POLR1D: variants seen among roughly 807,000 people sequenced by gnomAD.
POLR1D encodes the protein DNA-directed RNA polymerases I and III subunit RPAC2.
A neutral mutation model predicts 10.8 loss-of-function variants in POLR1D; 8 were observed. That is an observed-to-expected ratio of 0.74 (90% CI 0.43 to 1.33). POLR1D has a LOEUF of 1.33. Among genes scored for constraint, POLR1D ranks in the 40% most tolerant of loss-of-function variants. The probability of loss-of-function intolerance (pLI) is 0.01; values close to 1 mark genes in which losing one functional copy is unlikely to be tolerated. For missense variants in POLR1D, 152 were observed against 161.7 expected, an observed-to-expected ratio of 0.94 and a Z score of 0.32; for synonymous variants, 54 against 57.2, an observed-to-expected ratio of 0.94 and a Z score of 0.25.
At chr13:27,666,184 A>G (rs1431504513) in exon 3 of POLR1D, 1 of 520,986 alleles carries the variant, frequency 1.9e-6, no homozygotes, top group Admixed American at 3.4e-5. Flanking sequence ...TCTGCAGTGT[A>G]GTAGACTTAC....
At chr13:27,638,393 A>G (rs1009382502) in intron 1 of POLR1D, among the ~76,000 whole-genome samples, 35 of 152,250 alleles carry the variant, frequency 2.3e-4, no homozygotes, top group Middle Eastern at 3.2e-3. Flanking sequence ...TCAGATGATG[A>G]CAGGTAAATT....
chr13:27,622,952 C>T lies in POLR1D; in HGVS notation c.104C>T (p.Thr35Ile). 6.2e-7 allele frequency: 1 copy of T among 1,613,532 alleles called. No homozygotes were observed. The highest frequency in any genetic ancestry group is 8.5e-7 in the Non-Finnish European group (1 of 1,179,454). ...TALEMVQAAG[T>I]DRHCVTFVLH... ...CTGGAAATGGTCCAGGCAGCTGGAA[C>T]AGATAGACACTGTGTGACATTTGTA... Residue 35 changes from threonine (T) to isoleucine (I), a missense_variant, in exon 2 of 2, where the codon ACA becomes ATA. Thr to Ile is a moderately conservative substitution (Grantham distance 89, BLOSUM62 -1). Coordinates refer to ENST00000302979, the MANE Select transcript of POLR1D (RefSeq NM_015972.4).
intron 1 of POLR1D, among the ~76,000 whole-genome samples, chr13:27,622,642 A>G (rs1459618374): frequency 6.6e-6 from 1 of 152,074 alleles, no homozygotes; most frequent in Non-Finnish European, 1.5e-5. Flanking sequence ...TTTCTAAGAA[A>G]ACTCCCCTTG....
At chr13:27,658,884 C>T (rs1370833803) in intron 2 of POLR1D, among the ~76,000 whole-genome samples, 1 of 152,156 alleles carries the variant, frequency 6.6e-6, no homozygotes, top group East Asian at 1.9e-4. Context: ...TATCTACTGC[C>T]CAATATAATT....
chr13:27,626,557 A>T (rs1345828363), downstream of POLR1D, among the ~76,000 whole-genome samples: 2 of 152,176 alleles, frequency 1.3e-5, no homozygotes, highest in African/African-American at 4.8e-5. Flanking sequence ...GGGAAAGCTG[A>T]GTTGGTCCAA....
chr13:27,621,895 T>A lies in POLR1D; in HGVS notation c.-89T>A, dbSNP rs1279447421. On this transcript the variant is annotated 5_prime_UTR_variant, in exon 1 of 2. Coordinates refer to ENST00000302979, the MANE Select transcript of POLR1D (RefSeq NM_015972.4). ...TCCGCGCCTTCCGTCGGTCGGTCCT[T>A]GCTTCCTGCTTCGCCTCCGCGCCTC... The A allele has an allele frequency of 7.1e-7, 1 of 1,414,806 alleles. No homozygotes were observed. Among genetic ancestry groups the A allele is most frequent in the African/African-American group, 1.4e-5 (1 of 70,842 alleles). 87.6% of individuals were successfully genotyped at this position (1,414,806 alleles called of 1,614,324 possible). A position where few individuals can be genotyped will look rare whatever the true frequency, so the allele number is the denominator to read the frequency against.
At chr13:27,636,177 T>A (rs1956122921) in intron 1 of POLR1D, among the ~76,000 whole-genome samples, 1 of 152,194 alleles carries the variant, frequency 6.6e-6, no homozygotes, top group Non-Finnish European at 1.5e-5. Context: ...GTAATGATCC[T>A]GGGCTAAAAT....
Position 27,621,926 on chromosome 13 carries a change from A to G in POLR1D, c.-58A>G, listed in dbSNP as rs1056090408. On this transcript the variant is annotated 5_prime_UTR_variant, in exon 1 of 2. The change abolishes an upstream ATG in the 5' untranslated region. Coordinates refer to ENST00000302979, the MANE Select transcript of POLR1D (RefSeq NM_015972.4). ...CTGCTTCGCCTCCGCGCCTCGCGCTATGGGACAGAGCCCCCGATCCGCCAG... is the reference window on the plus strand; with the variant it reads ...CTGCTTCGCCTCCGCGCCTCGCGCTGTGGGACAGAGCCCCCGATCCGCCAG... 42 of 1,556,790 alleles carry G rather than the reference A, an allele frequency of 2.7e-5. No individual in the cohort carries two copies. The East Asian group carries it at 4.2e-4, about 16-fold the overall frequency.
At chr13:27,628,077 C>T (rs537038314), downstream of POLR1D, among the ~76,000 whole-genome samples, 5 of 152,292 alleles carry the variant, frequency 3.3e-5, no homozygotes, top group South Asian at 2.1e-4. Flanking sequence ...TCCTTACTAA[C>T]GGGAGTTAGT....
intron 1 of POLR1D, among the ~76,000 whole-genome samples, chr13:27,646,850 A>G (rs1303180307): frequency 6.6e-6 from 1 of 152,186 alleles, no homozygotes; most frequent in African/African-American, 2.4e-5. Context: ...CTTTTAAATA[A>G]TATTTGTCTT....
chr13:27,623,737 T>C (rs1955978499), downstream of POLR1D, among the ~76,000 whole-genome samples: 1 of 152,168 alleles, frequency 6.6e-6, no homozygotes, highest in African/African-American at 2.4e-5. Flanking sequence ...TTTTAAAGAA[T>C]TGCATCATTT....
chr13:27,663,803 A>G lies in POLR1D; in HGVS notation c.102-1883A>G, dbSNP rs1956388725. Among the ~76,000 whole-genome samples the G allele has an allele frequency of 6.6e-6, 1 of 152,140 alleles. No homozygotes were observed. The highest frequency in any genetic ancestry group is 2.1e-4 in the South Asian group (1 of 4,816). Reference sequence around the variant, plus strand: ...CCCACTTCAGTGAAAAGACCCCAGAATTCTTCTGTTGCTGGACATGTTTCA... The same window carrying G: ...CCCACTTCAGTGAAAAGACCCCAGAGTTCTTCTGTTGCTGGACATGTTTCA... On this transcript the variant is annotated intron_variant, in intron 2 of 2. Coordinates refer to the POLR1D transcript ENST00000399697. The surrounding 1 kb of genome is among the most constrained non-coding windows in gnomAD (Gnocchi z 4.1).
At chr13:27,636,312 G>C (rs1956123796) in intron 1 of POLR1D, among the ~76,000 whole-genome samples, 1 of 152,150 alleles carries the variant, frequency 6.6e-6, no homozygotes, top group African/African-American at 2.4e-5. Flanking sequence ...TGTTAGGCAA[G>C]TTGTTAACTT....
Position 27,652,911 on chromosome 13 carries a change from C to CTTTTTT in POLR1D, c.101+4479_101+4484dup, listed in dbSNP as rs71083685. On this transcript the variant is annotated intron_variant, in intron 2 of 2. Transcript: ENST00000399697. ...TTGCCAGAAGTTGCATTTACCATTT[C>CTTTTTT]TTTTTTTTTTTTTTTTTTTTTTTTT... Among the ~76,000 whole-genome samples the CTTTTTT allele has an allele frequency of 1.3e-4, 12 of 89,332 alleles. 2 individuals are homozygous for CTTTTTT. Among genetic ancestry groups the CTTTTTT allele is most frequent in the African/African-American group, 4.9e-4 (10 of 20,546 alleles). The allele number at this position is 89,332 out of a possible 152,430, so 58.6% of individuals were successfully genotyped here.
chr13:27,666,790 G>T (rs975769293), exon 3 of POLR1D: 17 of 151,880 alleles, frequency 1.1e-4, no homozygotes, highest in African/African-American at 4.1e-4. Flanking sequence ...CCCAGTATTG[G>T]TTTTCAATAC....
exon 3 of POLR1D, chr13:27,665,745 C>T (rs377299762): frequency 1.9e-6 from 3 of 1,612,876 alleles, no homozygotes; most frequent in African/African-American, 1.3e-5. Context: ...ATTAAAAACA[C>T]ATTGCCCTCT....
At chr13:27,656,180 A>G (rs1411335385) in intron 2 of POLR1D, among the ~76,000 whole-genome samples, 6 of 152,216 alleles carry the variant, frequency 3.9e-5, no homozygotes, top group Admixed American at 3.9e-4. Flanking sequence ...AATAATAGTA[A>G]ACTTCTACAT....
chr13:27,660,309 A>C (rs1168216733), intron 2 of POLR1D, among the ~76,000 whole-genome samples: 1 of 152,194 alleles, frequency 6.6e-6, no homozygotes, highest in Non-Finnish European at 1.5e-5. Flanking sequence ...GCATTATTCC[A>C]GACCTACATC....
intron 2 of POLR1D, among the ~76,000 whole-genome samples, chr13:27,658,371 G>T (rs1956328035): frequency 6.6e-6 from 1 of 152,230 alleles, no homozygotes; most frequent in East Asian, 1.9e-4. Context: ...GCCTGGCCAG[G>T]TGTTCAGCCA....
Sources: gnomAD v4.1 joint callset for allele counts (sites outside exome capture counted in the v4.1 genomes callset) on GRCh38, gnomAD v4.1.1 for gene constraint, Gnocchi (gnomAD v3.1) non-coding constraint, MANE v1.5 for transcripts, NCBI Gene and HGNC (gene_info 2026-07-23, HGNC 2026-07-21) for gene names.